The following NCKAP5 variants were observed in gnomAD, a reference collection of about 807,000 sequenced individuals.
NCKAP5 encodes nck-associated protein 5.
Under a neutral mutation model 167.0 loss-of-function variants are expected in NCKAP5, and 92 were observed. The observed-to-expected ratio is 0.55, with a 90% CI of 0.47 to 0.66. The LOEUF (loss-of-function observed/expected upper bound fraction) is 0.66, where lower values mean the gene tolerates loss of function less well. Among genes scored for constraint, NCKAP5 ranks in the 30% least tolerant of loss-of-function variants. NCKAP5 has a pLI of 0.00. For missense variants in NCKAP5, 2,378 were observed against 2,315.0 expected, an observed-to-expected ratio of 1.03 and a Z score of -0.56; for synonymous variants, 891 against 877.4, an observed-to-expected ratio of 1.02 and a Z score of -0.27.
chr2:133,617,008 C>T, the NCKAP5 span, among the ~76,000 whole-genome samples: 1 of 152,148 alleles, frequency 6.6e-6, no homozygotes, highest in Non-Finnish European at 1.5e-5. Flanking sequence ...ATACGGAAAT[C>T]AATAAATGTA....
In NCKAP5 at chr2:133,383,532, C is replaced by T. The variant is rs575371502; in HGVS notation, c.70-80422G>A. ...TAGTGCTGCAATAAACATACGTGTG[C>T]ATGTGTCTTTCTAGCAGCATGATTT... On this transcript the variant is annotated intron_variant, in intron 3 of 19. Transcript: ENST00000409261. 2.7e-3 allele frequency among the ~76,000 whole-genome samples: 411 copies of T among 152,298 alleles called. 1 individual carries two copies. The highest frequency in any genetic ancestry group is 9.6e-3 in the African/African-American group (398 of 41,556).
intron 19 of NCKAP5, among the ~76,000 whole-genome samples, chr2:132,697,435 G>A (rs192434047): frequency 1.4e-3 from 213 of 152,244 alleles, no homozygotes; most frequent in Non-Finnish European, 2.4e-3. Context: ...GCTCTCAAAG[G>A]GGATGTCATA....
chr2:133,294,387 C>G (rs898674239), intron 4 of NCKAP5, among the ~76,000 whole-genome samples: 1 of 152,180 alleles, frequency 6.6e-6, no homozygotes, highest in Non-Finnish European at 1.5e-5. Flanking sequence ...ACAGGATACA[C>G]AGAAGGTACA....
intron 3 of NCKAP5, among the ~76,000 whole-genome samples, chr2:133,460,490 T>C (rs1692134922): frequency 1.3e-5 from 2 of 152,188 alleles, no homozygotes; most frequent in South Asian, 2.1e-4. Flanking sequence ...TTCACTAATA[T>C]ACTTCATATT....
chr2:132,971,170 C>A (rs1371175133), intron 7 of NCKAP5, among the ~76,000 whole-genome samples: 1 of 152,142 alleles, frequency 6.6e-6, no homozygotes, highest in Non-Finnish European at 1.5e-5. Context: ...CAGGAGCAAA[C>A]ATAAAATAGC....
upstream of NCKAP5, among the ~76,000 whole-genome samples, chr2:133,571,489 C>T (rs1688866622): frequency 1.3e-5 from 2 of 152,132 alleles, no homozygotes; most frequent in Admixed American, 6.5e-5. Flanking sequence ...GCTAGTCCTG[C>T]GCTCAGGTAA....
At chr2:133,257,143 A>G (rs575690555) in intron 4 of NCKAP5, among the ~76,000 whole-genome samples, 5 of 152,322 alleles carry the variant, frequency 3.3e-5, no homozygotes, top group Admixed American at 2.6e-4. Context: ...ATGTAGCACA[A>G]GTTAATTTAA....
intron 6 of NCKAP5, among the ~76,000 whole-genome samples, chr2:133,047,424 T>G (rs2079440857): frequency 6.6e-6 from 1 of 152,182 alleles, no homozygotes. Flanking sequence ...ATGAAGGGAA[T>G]CTAATTTGTA....
chr2:133,371,725 T>G (rs778317664), intron 3 of NCKAP5, among the ~76,000 whole-genome samples: 18 of 152,204 alleles, frequency 1.2e-4, no homozygotes, highest in Non-Finnish European at 1.5e-5. Context: ...TCTGAATCAA[T>G]GAAGAATGGG....
chr2:133,032,175 C>T (rs886147218), intron 6 of NCKAP5, among the ~76,000 whole-genome samples: 4 of 152,092 alleles, frequency 2.6e-5, no homozygotes, highest in Non-Finnish European at 4.4e-5. Flanking sequence ...CTTGGGTTTC[C>T]CAGTTTTAGG....
intron 3 of NCKAP5, among the ~76,000 whole-genome samples, chr2:133,488,961 T>G (rs1027933413): frequency 6.6e-6 from 1 of 151,982 alleles, no homozygotes; most frequent in Admixed American, 6.6e-5. Flanking sequence ...TAGTGGTGCA[T>G]GCCTGTGGTC....
Position 132,970,317 on chromosome 2 carries a change from G to A in NCKAP5, c.430-6448C>T, listed in dbSNP as rs941667704. ...GATATCAGACAGAGAGGTCAAAAAT[G>A]TGTAGTGCTAAATACTGTGTATTTG... On this transcript the variant is annotated intron_variant, in intron 7 of 19. Coordinates refer to ENST00000409261, the MANE Select transcript of NCKAP5 (RefSeq NM_207363.3). Among the ~76,000 whole-genome samples the A allele has an allele frequency of 2.0e-5, 3 of 152,306 alleles. No individual in the cohort carries two copies. The South Asian group carries it at 6.2e-4, about 32-fold the overall frequency.
At chr2:132,767,322 C>T (rs1001056882) in intron 16 of NCKAP5, among the ~76,000 whole-genome samples, 6 of 152,098 alleles carry the variant, frequency 3.9e-5, no homozygotes, top group Admixed American at 3.9e-4. Context: ...TCTCGGCTCA[C>T]CGCAACCTCC....
chr2:133,029,958 C>T (rs2078828113), intron 6 of NCKAP5, among the ~76,000 whole-genome samples: 1 of 152,142 alleles, frequency 6.6e-6, no homozygotes, highest in Non-Finnish European at 1.5e-5. Flanking sequence ...CCCTCAGGCC[C>T]TGGTAAGATT....
At chr2:133,100,719 C>A (rs1167595038) in intron 6 of NCKAP5, among the ~76,000 whole-genome samples, 1 of 152,004 alleles carries the variant, frequency 6.6e-6, no homozygotes, top group Non-Finnish European at 1.5e-5. Flanking sequence ...AGGAGTAATA[C>A]TTTTCATTTA....
At chr2:133,032,945 C>G (rs2078928893) in intron 6 of NCKAP5, among the ~76,000 whole-genome samples, 1 of 152,156 alleles carries the variant, frequency 6.6e-6, no homozygotes, top group Non-Finnish European at 1.5e-5. Flanking sequence ...TGAGAACTCA[C>G]TATCATGAGA....
chr2:132,903,122 C>G (rs2148918854), intron 8 of NCKAP5, among the ~76,000 whole-genome samples: 2 of 152,310 alleles, frequency 1.3e-5, no homozygotes, highest in Middle Eastern at 6.8e-3. Flanking sequence ...ATGGAGAGCA[C>G]TGAAGAAGAT....
At chr2:132,686,379 TCTC>T (rs1213179275) in intron 19 of NCKAP5, among the ~76,000 whole-genome samples, 2 of 152,128 alleles carry the variant, frequency 1.3e-5, no homozygotes, top group African/African-American at 4.8e-5. Context: ...AGAAGGGAAA[TCTC>T]CTCTGAATTC....
chr2:133,402,199 T>C (rs1688147001), intron 3 of NCKAP5, among the ~76,000 whole-genome samples: 1 of 152,084 alleles, frequency 6.6e-6, no homozygotes, highest in South Asian at 2.1e-4. Context: ...GGACTCGGTG[T>C]ATAGTTTTAG....
Sources: gnomAD v4.1 joint callset for allele counts (sites outside exome capture counted in the v4.1 genomes callset) on GRCh38, gnomAD v4.1.1 for gene constraint, MANE v1.5 for transcripts, NCBI Gene and HGNC (gene_info 2026-07-23, HGNC 2026-07-21) for gene names.